PEX5L: variants seen among roughly 807,000 people sequenced by gnomAD.
PEX5L encodes PEX5-related protein.
In PEX5L, 30 loss-of-function variants were observed where a neutral mutation model predicts 84.0. The ratio of observed to expected loss-of-function variants is 0.36; its 90% CI spans 0.27 to 0.48. The LOEUF (loss-of-function observed/expected upper bound fraction) is 0.48, where lower values mean the gene tolerates loss of function less well. PEX5L is among the 20% of genes least tolerant of loss of function. The pLI is 0.99. For synonymous variants in PEX5L, 270 were observed against 283.1 expected, an observed-to-expected ratio of 0.95 and a Z score of 0.46; for missense variants, 533 against 754.6, an observed-to-expected ratio of 0.71 and a Z score of 3.44.
rs181087551 is a variant in PEX5L, at chr3:179,828,862, T to A, written c.823-8886A>T. 1.1e-3 allele frequency among the ~76,000 whole-genome samples: 172 copies of A among 152,294 alleles called. 1 individual carries two copies. The highest frequency in any genetic ancestry group is 2.9e-3 in the Admixed American group (45 of 15,292). ...GTGATTGCTTCCAGTGAAACTCATC[T>A]CCAATTAGCCAGCAGGTTTTCTCAT... is the stretch of plus-strand genomic sequence containing the variant. On this transcript the variant is annotated intron_variant, in intron 8 of 14. Coordinates refer to ENST00000467460, the MANE Select transcript of PEX5L (RefSeq NM_016559.3).
At chr3:179,940,609 A>G (rs527256228) in intron 2 of PEX5L, among the ~76,000 whole-genome samples, 44 of 152,220 alleles carry the variant, frequency 2.9e-4, no homozygotes, top group Middle Eastern at 3.4e-3. Flanking sequence ...CCAGTTATAT[A>G]CTGGACATAG....
chr3:180,002,870 G>A (rs1788549125), intron 1 of PEX5L, among the ~76,000 whole-genome samples: 1 of 151,994 alleles, frequency 6.6e-6, no homozygotes. Context: ...AAATAATCTT[G>A]CTAAATCAGG....
intron 8 of PEX5L, among the ~76,000 whole-genome samples, chr3:179,820,730 T>C (rs1232181930): frequency 6.6e-6 from 1 of 152,262 alleles, no homozygotes; most frequent in Non-Finnish European, 1.5e-5. Context: ...TGTGTGTTCC[T>C]AGACTGAAGA....
chr3:179,876,364 G>A (rs1247384377), intron 5 of PEX5L, among the ~76,000 whole-genome samples: 1 of 152,002 alleles, frequency 6.6e-6, no homozygotes, highest in African/African-American at 2.4e-5. Flanking sequence ...GGGTGTGGTG[G>A]TGCATGCCTG....
intron 3 of PEX5L, chr3:179,888,309 T>G: frequency 2.8e-6 from 1 of 357,302 alleles, no homozygotes; most frequent in Non-Finnish European, 5.5e-6. Context: ...CCCTCTACAT[T>G]TCCTTGGAAT....
At chr3:179,918,737 T>C (rs1578445188) in intron 2 of PEX5L, among the ~76,000 whole-genome samples, 1 of 152,200 alleles carries the variant, frequency 6.6e-6, no homozygotes, top group African/African-American at 2.4e-5. Context: ...CATTAATTTC[T>C]TCTTCTTTCT....
intron 1 of PEX5L, among the ~76,000 whole-genome samples, chr3:180,005,531 A>G (rs148587999): frequency 0.13 from 19,317 of 152,144 alleles, 1,336 homozygotes; most frequent in African/African-American, 0.19. Context: ...GATCGAGACC[A>G]TTCTGGCTAA....
intron 3 of PEX5L, among the ~76,000 whole-genome samples, chr3:179,891,578 C>T (rs1244262851): frequency 6.6e-6 from 1 of 152,110 alleles, no homozygotes; most frequent in Non-Finnish European, 1.5e-5. Context: ...TTCACAACTT[C>T]AAATAGAATG....
At chr3:179,994,284 T>C (rs1787652661) in intron 1 of PEX5L, among the ~76,000 whole-genome samples, 1 of 152,176 alleles carries the variant, frequency 6.6e-6, no homozygotes, top group Admixed American at 6.5e-5. Flanking sequence ...TTTTGGAAGG[T>C]TTTTTATACA....
rs568009408 is a variant in PEX5L, at chr3:179,873,985, G to A, written c.726+342C>T. 9.2e-5 allele frequency among the ~76,000 whole-genome samples: 14 copies of A among 152,088 alleles called. No homozygotes were observed. The South Asian group carries it at 2.7e-3, about 29-fold the overall frequency. ...CTCAAGATGCAATTTCCTCTCCATCGAGTTCTGTTATGTAAATAGTGCTAA... is the reference window on the plus strand; with the variant it reads ...CTCAAGATGCAATTTCCTCTCCATCAAGTTCTGTTATGTAAATAGTGCTAA... On this transcript the variant is annotated intron_variant, in intron 7 of 14. Coordinates refer to ENST00000467460, the MANE Select transcript of PEX5L (RefSeq NM_016559.3).
intron 1 of PEX5L, among the ~76,000 whole-genome samples, chr3:179,971,913 T>A (rs6777029): frequency 1.2e-4 from 18 of 152,194 alleles, no homozygotes; most frequent in African/African-American, 4.3e-4. Flanking sequence ...TTCTCAATAT[T>A]CTTATGCTTC....
At chr3:179,934,450 T>A (rs1477854487) in intron 2 of PEX5L, among the ~76,000 whole-genome samples, 1 of 152,206 alleles carries the variant, frequency 6.6e-6, no homozygotes, top group Non-Finnish European at 1.5e-5. Flanking sequence ...TTGTCTCAAT[T>A]AATCCTTAGC....
intron 2 of PEX5L, among the ~76,000 whole-genome samples, chr3:179,918,850 T>A (rs1242631161): frequency 6.6e-6 from 1 of 152,200 alleles, no homozygotes; most frequent in Non-Finnish European, 1.5e-5. Flanking sequence ...TTGGTGTGTA[T>A]CTGTGGATAC....
chr3:179,902,287 C>T (rs780029560), intron 2 of PEX5L, among the ~76,000 whole-genome samples: 12 of 152,156 alleles, frequency 7.9e-5, no homozygotes, highest in Admixed American at 1.3e-4. Context: ...TCTACCATAC[C>T]GGTGTCTGTT....
chr3:179,832,287 T>C (rs926927696), intron 8 of PEX5L, among the ~76,000 whole-genome samples: 1 of 152,028 alleles, frequency 6.6e-6, no homozygotes, highest in East Asian at 1.9e-4. Flanking sequence ...GCCTTCTCAC[T>C]TGGGTGATCC....
At chr3:180,014,471 CA>C (rs11312603) in intron 1 of PEX5L, among the ~76,000 whole-genome samples, 21,635 of 129,668 alleles carry the variant, frequency 0.17, 1,799 homozygotes, top group African/African-American at 0.27. Flanking sequence ...GACTCCGACT[CA>C]AAAAAAAAAA....
At chr3:179,914,174 G>A (rs113952570) in intron 2 of PEX5L, among the ~76,000 whole-genome samples, 42 of 152,262 alleles carry the variant, frequency 2.8e-4, no homozygotes, top group African/African-American at 9.6e-4. Context: ...GTTCCACAGA[G>A]GATAGTCCAA....
intron 2 of PEX5L, chr3:179,900,637 C>A (rs1431222848): frequency 5.0e-6 from 7 of 1,403,258 alleles, no homozygotes; most frequent in African/African-American, 1.4e-5. Flanking sequence ...TAAATACATG[C>A]GGTGCTTTTT....
chr3:180,036,470 C>T, intron 1 of PEX5L, 109 bp downstream of exon 1: 1 of 1,023,698 alleles, frequency 9.8e-7, no homozygotes, highest in Non-Finnish European at 1.6e-6. Context: ...TGCATCACTT[C>T]ACTTGTTGAG....
Sources: gnomAD v4.1 joint callset for allele counts (sites outside exome capture counted in the v4.1 genomes callset) on GRCh38, gnomAD v4.1.1 for gene constraint, MANE v1.5 for transcripts, NCBI Gene and HGNC (gene_info 2026-07-23, HGNC 2026-07-21) for gene names.